ZCCHC17: variants seen among roughly 807,000 people sequenced by gnomAD.
ZCCHC17 encodes the protein zinc finger CCHC domain-containing protein 17.
Under a neutral mutation model 30.6 loss-of-function variants are expected in ZCCHC17, and 18 were observed. The ratio of observed to expected loss-of-function variants is 0.59; its 90% CI spans 0.41 to 0.87. The LOEUF (loss-of-function observed/expected upper bound fraction) is 0.87, where lower values mean the gene tolerates loss of function less well. ZCCHC17 is among the 40% of genes least tolerant of loss of function. The probability of loss-of-function intolerance (pLI) is 0.00; values close to 1 mark genes in which losing one functional copy is unlikely to be tolerated. For missense variants in ZCCHC17, 263 were observed against 284.2 expected, an observed-to-expected ratio of 0.93 and a Z score of 0.54; for synonymous variants, 88 against 92.4, an observed-to-expected ratio of 0.95 and a Z score of 0.27.
At chr1:31,309,980 G>A (rs1197942680) in intron 1 of ZCCHC17, 64 bp from the exon 2 acceptor site, 1 of 865,246 alleles carries the variant, frequency 1.2e-6, no homozygotes, top group Non-Finnish European at 1.9e-6. Flanking sequence ...GCTGTGGATT[G>A]TCTGCATATT....
intron 5 of ZCCHC17, among the ~76,000 whole-genome samples, chr1:31,339,960 C>CTTTTGTTTTTTTTTTT (rs1638973811): frequency 1.1e-5 from 1 of 90,402 alleles, no homozygotes; most frequent in Non-Finnish European, 2.2e-5. Flanking sequence ...TCTTGGATTT[C>CTTTTGTTTTTTTTTTT]TTTTTTTTTT....
chr1:31,337,286 G>A lies in ZCCHC17; in HGVS notation c.225+11G>A, dbSNP rs376935357. The A allele has an allele frequency of 3.1e-6, 5 of 1,610,764 alleles. No homozygotes were observed. Among genetic ancestry groups the A allele is most frequent in the South Asian group, 1.1e-5 (1 of 90,958 alleles). ...CTTATTGGCCGAGAGGTAAAGTTCTGTGCGGCTCCCTTGTGGTTAGAAAGG... is the reference window on the plus strand; with the variant it reads ...CTTATTGGCCGAGAGGTAAAGTTCTATGCGGCTCCCTTGTGGTTAGAAAGG... On this transcript the variant is annotated intron_variant, in intron 4 of 7. Transcript: ENST00000344147.
At chr1:31,321,142 GT>G (rs2148430047) in intron 3 of ZCCHC17, among the ~76,000 whole-genome samples, 1 of 152,216 alleles carries the variant, frequency 6.6e-6, no homozygotes, top group East Asian at 1.9e-4. Context: ...ATCTTGAATT[GT>G]AGTTCTCGTA....
chr1:31,355,095 A>T (rs1274093984), intron 7 of ZCCHC17, among the ~76,000 whole-genome samples: 3 of 151,648 alleles, frequency 2.0e-5, no homozygotes, highest in Admixed American at 6.6e-5. Context: ...GAATTGCTTG[A>T]ACCCAGGAGG....
chr1:31,304,776 T>C (rs1012950057), intron 1 of ZCCHC17, among the ~76,000 whole-genome samples: 1 of 151,972 alleles, frequency 6.6e-6, no homozygotes, highest in African/African-American at 2.4e-5. Context: ...TTTGTATTTT[T>C]AGTAGAGATG....
intron 1 of ZCCHC17, among the ~76,000 whole-genome samples, chr1:31,304,346 T>C (rs916088973): frequency 2.6e-5 from 4 of 151,670 alleles, no homozygotes; most frequent in Non-Finnish European, 5.9e-5. Context: ...TGCAGTGGCA[T>C]GATCTCGGCT....
At chr1:31,334,347 G>C (rs61780104) in intron 3 of ZCCHC17, among the ~76,000 whole-genome samples, 44,980 of 70,880 alleles carry the variant, frequency 0.63, 13,332 homozygotes, top group Non-Finnish European at 0.73. Context: ...CTGTGTGTGT[G>C]TGTGTGTGTG....
chr1:31,319,227 C>A, intron 3 of ZCCHC17, 61 bp downstream of exon 3: 1 of 1,379,214 alleles, frequency 7.3e-7, no homozygotes, highest in Admixed American at 1.8e-5. Context: ...CACTCCACCA[C>A]CTCCTAATTA....
intron 7 of ZCCHC17, among the ~76,000 whole-genome samples, chr1:31,360,266 C>T (rs1296531653): frequency 6.9e-6 from 1 of 144,464 alleles, no homozygotes; most frequent in African/African-American, 2.6e-5. Context: ...GCCTCCCACG[C>T]TCAAGCGATT....
intron 2 of ZCCHC17, among the ~76,000 whole-genome samples, chr1:31,310,732 G>A (rs1646580708): frequency 6.6e-6 from 1 of 152,138 alleles, no homozygotes; most frequent in African/African-American, 2.4e-5. Flanking sequence ...CCAGTCTCTG[G>A]TATTCTGTTA....
At chr1:31,359,843 A>T (rs997506340) in intron 7 of ZCCHC17, among the ~76,000 whole-genome samples, 1 of 152,060 alleles carries the variant, frequency 6.6e-6, no homozygotes, top group Non-Finnish European at 1.5e-5. Flanking sequence ...TGATACTTGA[A>T]TCCATGTCAT....
At chr1:31,340,071 C>T (rs1371789007) in intron 5 of ZCCHC17, among the ~76,000 whole-genome samples, 2 of 150,514 alleles carry the variant, frequency 1.3e-5, no homozygotes, top group African/African-American at 4.9e-5. Context: ...ATCCTCCCAC[C>T]TCAGCCTACC....
chr1:31,347,180 T>C (rs760771291), intron 6 of ZCCHC17, among the ~76,000 whole-genome samples: 19 of 152,248 alleles, frequency 1.2e-4, no homozygotes, highest in African/African-American at 4.3e-4. Context: ...GAATACAATA[T>C]CTTTTTACAG....
chr1:31,315,313 G>A (rs550317663), intron 2 of ZCCHC17, among the ~76,000 whole-genome samples: 65 of 152,322 alleles, frequency 4.3e-4, no homozygotes, highest in Non-Finnish European at 8.5e-4. Context: ...CCTTGAAGAA[G>A]GTGGTGTTTC....
chr1:31,339,960 C>CTT (rs36008834), intron 5 of ZCCHC17, among the ~76,000 whole-genome samples: 1,090 of 90,186 alleles, frequency 0.012, 71 homozygotes, highest in African/African-American at 0.022. Context: ...TCTTGGATTT[C>CTT]TTTTTTTTTT....
In ZCCHC17 at chr1:31,320,025, G is replaced by C. The variant is rs1294074847; in HGVS notation, c.124+859G>C. On this transcript the variant is annotated intron_variant, in intron 3 of 7. Coordinates refer to ENST00000344147, the MANE Select transcript of ZCCHC17 (RefSeq NM_016505.4). ...CATATGATAAAGAGCTAATACAAAG[G>C]GGGTATTAGGAAAAGGTGCCAAGGA... 2.6e-5 allele frequency among the ~76,000 whole-genome samples: 4 copies of C among 152,170 alleles called. No homozygotes were observed. In the South Asian group the frequency reaches 6.2e-4, roughly 24 times the overall value.
At chr1:31,320,539 T>C (rs529797920) in intron 3 of ZCCHC17, among the ~76,000 whole-genome samples, 6 of 152,356 alleles carry the variant, frequency 3.9e-5, no homozygotes, top group Non-Finnish European at 4.4e-5. Context: ...TATTTGCTTA[T>C]TTTGTACATT....
At chr1:31,350,334 A>C (rs1639427756) in intron 7 of ZCCHC17, among the ~76,000 whole-genome samples, 1 of 152,194 alleles carries the variant, frequency 6.6e-6, no homozygotes, top group Non-Finnish European at 1.5e-5. Context: ...TTATCTATAG[A>C]TTAAGTATTA....
chr1:31,303,650 T>A (rs894757698), intron 1 of ZCCHC17, among the ~76,000 whole-genome samples: 2 of 152,192 alleles, frequency 1.3e-5, no homozygotes, highest in African/African-American at 4.8e-5. Flanking sequence ...ATGTGTACTT[T>A]AAAATTTTTT....
Sources: gnomAD v4.1 joint callset for allele counts (sites outside exome capture counted in the v4.1 genomes callset) on GRCh38, gnomAD v4.1.1 for gene constraint, MANE v1.5 for transcripts, NCBI Gene and HGNC (gene_info 2026-07-23, HGNC 2026-07-21) for gene names.